Variants in RPH3AL observed in about 807,000 individuals in gnomAD.
The protein encoded by RPH3AL is rab effector Noc2.
In RPH3AL, 38 loss-of-function variants were observed where a neutral mutation model predicts 43.1. The observed-to-expected ratio is 0.88, with a 90% CI of 0.68 to 1.15. The LOEUF is 1.15. Ranked by LOEUF, RPH3AL falls within the 50% of genes most tolerant of loss-of-function variation. The probability of loss-of-function intolerance (pLI) is 0.00; values close to 1 mark genes in which losing one functional copy is unlikely to be tolerated. For missense variants in RPH3AL, 462 were observed against 423.2 expected (o/e 1.09, Z -0.81); for synonymous variants, 189 against 176.3 (o/e 1.07, Z -0.57).
chr17:237,353 ACCCT>A (rs2041422815), intron 7 of RPH3AL, among the ~76,000 whole-genome samples: 1 of 152,150 alleles, frequency 6.6e-6, no homozygotes, highest in African/African-American at 2.4e-5. Context: ...CCAGTGTGTC[ACCCT>A]GTTCTGGAAC....
intron 5 of RPH3AL, among the ~76,000 whole-genome samples, chr17:313,965 C>T (rs530001674): frequency 6.6e-6 from 1 of 152,266 alleles, no homozygotes; most frequent in South Asian, 2.1e-4. Context: ...ATCACCCAAG[C>T]CAGGACTGAG....
chr17:277,533 G>A (rs747795598), intron 6 of RPH3AL, among the ~76,000 whole-genome samples: 4 of 152,178 alleles, frequency 2.6e-5, no homozygotes, highest in Non-Finnish European at 5.9e-5. Flanking sequence ...CTATGCTACT[G>A]GCTTTGAGAT....
At chr17:294,835 GA>G (rs1475594568) in intron 5 of RPH3AL, among the ~76,000 whole-genome samples, 1 of 59,948 alleles carries the variant, frequency 1.7e-5, no homozygotes, top group Non-Finnish European at 3.8e-5. Flanking sequence ...GAAATGGATG[GA>G]CAGAGGGAAT....
At chr17:335,289 G>A (rs1160617163) in intron 1 of RPH3AL, among the ~76,000 whole-genome samples, 1 of 152,136 alleles carries the variant, frequency 6.6e-6, no homozygotes, top group Admixed American at 6.5e-5. Flanking sequence ...AGGAGGCGGC[G>A]GACGGAGGGG....
intron 5 of RPH3AL, among the ~76,000 whole-genome samples, chr17:298,257 C>G (rs2151633200): frequency 6.6e-6 from 1 of 152,326 alleles, no homozygotes; most frequent in African/African-American, 2.4e-5. Flanking sequence ...TGGGGCCCCT[C>G]AGTAGCCCTC....
chr17:251,839 C>T (rs567591317), intron 6 of RPH3AL, among the ~76,000 whole-genome samples: 36 of 152,240 alleles, frequency 2.4e-4, no homozygotes, highest in Non-Finnish European at 4.3e-4. Context: ...TGTCCTCCAC[C>T]GTGGGCTGGG....
At position 246,179 on chromosome 17, in the gene RPH3AL, C is replaced by T. The variant is rs975626986; in HGVS notation, c.613+932G>A. On this transcript the variant is annotated intron_variant, in intron 7 of 9. Coordinates refer to ENST00000331302, the MANE Select transcript of RPH3AL (RefSeq NM_006987.4). The surrounding 1 kb of genome is among the most constrained non-coding windows in gnomAD (Gnocchi z 4.8). ...AGATGGTCAGATGTCAGGTCACAAC[C>T]GAAGACCAGGATGTCGCAAAGCCCC... is the stretch of plus-strand genomic sequence containing the variant. 4.6e-5 allele frequency among the ~76,000 whole-genome samples: 7 copies of T among 152,138 alleles called. No homozygotes were observed. The highest frequency in any genetic ancestry group is 8.8e-5 in the Non-Finnish European group (6 of 68,030).
At chr17:316,664 C>A (rs1567514214) in intron 5 of RPH3AL, among the ~76,000 whole-genome samples, 1 of 150,658 alleles carries the variant, frequency 6.6e-6, no homozygotes, top group Non-Finnish European at 1.5e-5. Flanking sequence ...CTGTGCTCCA[C>A]CTCCATTGAC....
chr17:281,819 AG>A lies in RPH3AL; in HGVS notation c.386del (p.Pro129LeufsTer38), dbSNP rs1469612946. Reference sequence around the variant, plus strand: ...ACAGCCACAGGGGCCGCTTCTGGCCAGGGGAGGCCTCGATCCCACATTTGGT... The same window carrying A: ...ACAGCCACAGGGGCCGCTTCTGGCCAGGGAGGCCTCGATCCCACATTTGGT... ...VCTKCGIEAS[P>X]GQKRPLWLCK... On this transcript the variant is annotated frameshift_variant, in exon 6 of 10. Coordinates refer to ENST00000331302, the MANE Select transcript of RPH3AL (RefSeq NM_006987.4). LOFTEE classifies it high-confidence loss of function. 6.2e-7 allele frequency: 1 copy of A among 1,614,144 alleles called. No homozygotes were observed. Among genetic ancestry groups the A allele is most frequent in the African/African-American group, 1.3e-5 (1 of 75,034 alleles).
rs960442588 is a variant in RPH3AL, at chr17:274,971, C to T, written c.438+6797G>A. On this transcript the variant is annotated intron_variant, in intron 6 of 9. Coordinates refer to ENST00000331302, the MANE Select transcript of RPH3AL (RefSeq NM_006987.4). The surrounding 1 kb of genome is among the most constrained non-coding windows in gnomAD (Gnocchi z 4.7). Reference sequence around the variant, plus strand: ...GGGAAACCAGAGTGGAGAACAGAATCGAAACTTACACCGGAGGGGAAAGAG... The same window carrying T: ...GGGAAACCAGAGTGGAGAACAGAATTGAAACTTACACCGGAGGGGAAAGAG... 3.3e-5 allele frequency among the ~76,000 whole-genome samples: 5 copies of T among 152,056 alleles called. No homozygotes were observed. Among genetic ancestry groups the T allele is most frequent in the East Asian group, 1.9e-4 (1 of 5,186 alleles).
intron 6 of RPH3AL, among the ~76,000 whole-genome samples, chr17:272,984 C>CGACG (rs1567604451): frequency 1.1e-4 from 7 of 61,896 alleles, no homozygotes; most frequent in African/African-American, 2.7e-4. Context: ...CCAGCAAGGG[C>CGACG]TACGTCAGGG....
At chr17:284,626 G>A (rs1349634516) in intron 5 of RPH3AL, among the ~76,000 whole-genome samples, 1 of 152,056 alleles carries the variant, frequency 6.6e-6, no homozygotes, top group East Asian at 1.9e-4. Context: ...GTCAGCAGGA[G>A]GCCCGGCAGC....
At chr17:348,106 A>C (rs1186736049) in intron 1 of RPH3AL, among the ~76,000 whole-genome samples, 2 of 152,136 alleles carry the variant, frequency 1.3e-5, no homozygotes, top group East Asian at 1.9e-4. Context: ...AAAAAAAAAA[A>C]AAAACAGAGC....
At chr17:341,909 C>T (rs576850676) in intron 1 of RPH3AL, among the ~76,000 whole-genome samples, 8 of 152,170 alleles carry the variant, frequency 5.3e-5, no homozygotes, top group Admixed American at 3.9e-4. Context: ...AGGACACTAT[C>T]GAGAAGGTGA....
chr17:261,904 G>A (rs56702013), intron 6 of RPH3AL: 62,994 of 151,986 alleles, frequency 0.41, 13,783 homozygotes, highest in Non-Finnish European at 0.49. Flanking sequence ...TCTGGAGGGC[G>A]TCTCACAGGA....
At position 274,608 on chromosome 17, in the gene RPH3AL, G is replaced by C. The variant is rs1010674381; in HGVS notation, c.438+7160C>G. Among the ~76,000 whole-genome samples, 1 of 152,182 alleles carries C rather than the reference G, an allele frequency of 6.6e-6. No homozygotes were observed. The highest frequency in any genetic ancestry group is 1.5e-5 in the Non-Finnish European group (1 of 68,030). ...GGAGACAGCATAAGCCAGGGGCTGC[G>C]GTCCCTCGTCCTCCCTGGTTCCGAC... On this transcript the variant is annotated intron_variant, in intron 6 of 9. Coordinates refer to ENST00000331302, the MANE Select transcript of RPH3AL (RefSeq NM_006987.4). This position sits in a 1 kb window ranked among gnomAD's most constrained non-coding sequence, Gnocchi z 4.7.
chr17:327,417 G>T, intron 3 of RPH3AL, 50 bp downstream of exon 3: 1 of 1,481,646 alleles, frequency 6.7e-7, no homozygotes, highest in Non-Finnish European at 9.4e-7. Context: ...CAGGAGAGGA[G>T]CAGGGAGGCA....
chr17:243,922 TTCCTCTACTGATTACC>T (rs778372681), intron 7 of RPH3AL, among the ~76,000 whole-genome samples: 4,726 of 149,180 alleles, frequency 0.032, 1 homozygote, highest in South Asian at 0.08. Flanking sequence ...ATTGATTACC[TTCCTCTACTGATTACC>T]CTTCCTCTAC....
intron 6 of RPH3AL, among the ~76,000 whole-genome samples, chr17:259,745 T>G (rs2042155805): frequency 6.6e-6 from 1 of 152,236 alleles, no homozygotes; most frequent in Non-Finnish European, 1.5e-5. Context: ...CAGTAAACGC[T>G]CCTGGTACCG....
Sources: gnomAD v4.1 joint callset for allele counts (sites outside exome capture counted in the v4.1 genomes callset) on GRCh38, gnomAD v4.1.1 for gene constraint, Gnocchi (gnomAD v3.1) non-coding constraint, MANE v1.5 for transcripts, NCBI Gene and HGNC (gene_info 2026-07-23, HGNC 2026-07-21) for gene names.